The following DAAM1 variants were observed in gnomAD, a reference collection of about 807,000 sequenced individuals.
DAAM1 encodes the protein dishevelled associated activator of morphogenesis 1, also known as disheveled-associated activator of morphogenesis 1.
Under a neutral mutation model 130.0 loss-of-function variants are expected in DAAM1, and 52 were observed. That is an observed-to-expected ratio of 0.40 (90% CI 0.32 to 0.50). The LOEUF (loss-of-function observed/expected upper bound fraction) is 0.50. Among genes scored for constraint, DAAM1 ranks in the 20% least tolerant of loss-of-function variants. The probability of loss-of-function intolerance (pLI) is 0.61; values close to 1 mark genes in which losing one functional copy is unlikely to be tolerated. For missense variants in DAAM1, 1,134 were observed against 1,303.8 expected, an observed-to-expected ratio of 0.87 and a Z score of 2.01; for synonymous variants, 452 against 444.5, an observed-to-expected ratio of 1.02 and a Z score of -0.21.
intron 1 of DAAM1, among the ~76,000 whole-genome samples, chr14:59,208,399 A>C (rs1016005488): frequency 1.3e-5 from 2 of 152,184 alleles, no homozygotes; most frequent in Admixed American, 1.3e-4. Flanking sequence ...GAAACGAATG[A>C]GTCATAACTT....
At chr14:59,352,755 T>A in intron 18 of DAAM1, 123 bp downstream of exon 18, 1 of 823,464 alleles carries the variant, frequency 1.2e-6, no homozygotes, top group Non-Finnish European at 1.9e-6. Context: ...TTTTTCATTC[T>A]AAAAATCTTC....
chr14:59,341,708 A>G (rs1885856299), intron 16 of DAAM1, among the ~76,000 whole-genome samples: 1 of 152,230 alleles, frequency 6.6e-6, no homozygotes, highest in African/African-American at 2.4e-5. Flanking sequence ...ACTGCTGTAC[A>G]GTGTAAACAA....
chr14:59,258,136 C>T (rs1881994193), intron 1 of DAAM1, among the ~76,000 whole-genome samples: 2 of 152,202 alleles, frequency 1.3e-5, no homozygotes, highest in Admixed American at 6.5e-5. Flanking sequence ...TCCCTTAGTG[C>T]CCAGCACAGT....
Position 59,363,846 on chromosome 14 carries a change from A to G in DAAM1, c.2826+64A>G, listed in dbSNP as rs564955971. 1.7e-5 allele frequency: 27 copies of G among 1,599,884 alleles called. No homozygotes were observed. In the African/African-American group the frequency reaches 3.6e-4, roughly 21 times the overall value. The stretch of plus-strand genomic sequence containing the variant: ...GGCTGGGCTTCAGTGTGATACTTTC[A>G]GTTATTATTCTGTACGGGAAATAGC... On this transcript the variant is annotated intron_variant, in intron 23 of 24. Transcript: ENST00000360909.
At chr14:59,247,457 A>G (rs905959104) in intron 1 of DAAM1, among the ~76,000 whole-genome samples, 2 of 152,210 alleles carry the variant, frequency 1.3e-5, no homozygotes, top group South Asian at 4.1e-4. Flanking sequence ...ATTGCTTTCA[A>G]TCTGTAGATT....
At chr14:59,366,996 C>G (rs1295048115) in intron 23 of DAAM1, among the ~76,000 whole-genome samples, 1 of 145,342 alleles carries the variant, frequency 6.9e-6, no homozygotes, top group Non-Finnish European at 1.5e-5. Flanking sequence ...AACAAAACAA[C>G]AAAAAAAAAC....
chr14:59,288,952 T>G (rs1345877657), intron 2 of DAAM1, among the ~76,000 whole-genome samples: 1 of 152,144 alleles, frequency 6.6e-6, no homozygotes, highest in Non-Finnish European at 1.5e-5. Context: ...AGCCTTGGTC[T>G]GTCACCCAGG....
chr14:59,275,655 C>T lies in DAAM1; in HGVS notation c.183+11995C>T, dbSNP rs149080941. ...ACGGTAAAAAAGCTGAATAAAAAGC[C>T]TATGTGTTTAGCTGCAGACTTTGTC... On this transcript the variant is annotated intron_variant, in intron 2 of 24. Coordinates refer to ENST00000360909, the MANE Select transcript of DAAM1 (RefSeq NM_001270520.2). Among the ~76,000 whole-genome samples the T allele has an allele frequency of 2.0e-4, 31 of 152,232 alleles. No individual in the cohort carries two copies. In the East Asian group the frequency reaches 6.0e-3, roughly 29 times the overall value.
At chr14:59,338,358 T>G in intron 15 of DAAM1, 1 of 1,612,596 alleles carries the variant, frequency 6.2e-7, no homozygotes, top group Non-Finnish European at 8.5e-7. Flanking sequence ...CTGATTTGCC[T>G]TTTCCATGCC....
intron 1 of DAAM1, among the ~76,000 whole-genome samples, chr14:59,231,213 T>A (rs1889095795): frequency 6.6e-6 from 1 of 152,228 alleles, no homozygotes; most frequent in African/African-American, 2.4e-5. Flanking sequence ...ATTGCATATA[T>A]TTATGGGGTT....
At chr14:59,206,511 G>A (rs1566648786) in intron 1 of DAAM1, among the ~76,000 whole-genome samples, 1 of 152,254 alleles carries the variant, frequency 6.6e-6, no homozygotes, top group South Asian at 2.1e-4. Flanking sequence ...TCCTAACCTC[G>A]TAATCTGCCT....
rs1210870943 is a variant in DAAM1, at chr14:59,352,631, C to G, written c.2266C>G (p.Arg756Gly). ...KADRFLFEMS[R>G]INHYQQRLQS... ...TGATAGGTTCCTTTTTGAGATGAGC[C>G]GGTGAGTTTGAAAATGCTGGGAATG... is the stretch of plus-strand genomic sequence containing the variant. The change falls in exon 18 of 25, where the codon CGA becomes GGA. Residue 756 changes from arginine to glycine, a missense_variant and splice_region_variant. This residue lies in a region of DAAM1 where 644 missense variants were observed against 695.9 expected (regional missense o/e 0.93). Transcript: ENST00000360909. 6.2e-7 allele frequency: 1 copy of G among 1,610,722 alleles called. No homozygotes were observed. Among genetic ancestry groups the G allele is most frequent in the Non-Finnish European group, 8.5e-7 (1 of 1,178,534 alleles).
intron 1 of DAAM1, among the ~76,000 whole-genome samples, chr14:59,234,914 T>C (rs1889243558): frequency 2.0e-5 from 3 of 152,202 alleles, no homozygotes; most frequent in Admixed American, 1.3e-4. Flanking sequence ...GTGGTTTTTT[T>C]CCTTGGTTCT....
chr14:59,219,134 G>A (rs1343524045), intron 1 of DAAM1, among the ~76,000 whole-genome samples: 1 of 152,072 alleles, frequency 6.6e-6, no homozygotes, highest in African/African-American at 2.4e-5. Context: ...TCTAATGTTG[G>A]CATTTGGTGG....
intron 11 of DAAM1, 37 bp downstream of exon 11, chr14:59,326,685 G>A (rs777230458): frequency 8.7e-6 from 14 of 1,603,334 alleles, no homozygotes; most frequent in Non-Finnish European, 1.2e-5. Context: ...TGAGATAATG[G>A]TGACAATGTA....
chr14:59,347,924 A>T (rs1886145148), intron 17 of DAAM1, among the ~76,000 whole-genome samples: 1 of 152,234 alleles, frequency 6.6e-6, no homozygotes, highest in Non-Finnish European at 1.5e-5. Flanking sequence ...TCTAGAAGAA[A>T]ATCTGTGTTT....
intron 3 of DAAM1, among the ~76,000 whole-genome samples, chr14:59,304,944 A>G (rs1884316930): frequency 6.6e-6 from 1 of 152,224 alleles, no homozygotes; most frequent in African/African-American, 2.4e-5. Context: ...TGTGTTAAAC[A>G]TTATATTGCA....
chr14:59,284,020 C>T lies in DAAM1; in HGVS notation c.184-7197C>T, dbSNP rs183969533. 2.0e-3 allele frequency among the ~76,000 whole-genome samples: 311 copies of T among 152,268 alleles called. 1 individual carries two copies. Among genetic ancestry groups the T allele is most frequent in the African/African-American group, 7.0e-3 (291 of 41,570 alleles). On this transcript the variant is annotated intron_variant, in intron 2 of 24. Coordinates refer to ENST00000360909, the MANE Select transcript of DAAM1 (RefSeq NM_001270520.2). Reference sequence around the variant, plus strand: ...AACACCTGGGAACTTACTGAAAATGCAGTGTCGTGTACCTTTTCCTCCCTG... The same window carrying T: ...AACACCTGGGAACTTACTGAAAATGTAGTGTCGTGTACCTTTTCCTCCCTG...
At chr14:59,200,667 A>G (rs1014884179) in intron 1 of DAAM1, among the ~76,000 whole-genome samples, 3 of 152,260 alleles carry the variant, frequency 2.0e-5, no homozygotes, top group African/African-American at 7.2e-5. Flanking sequence ...ATATTTTCAT[A>G]TAAAATGTAA....
Sources: allele counts gnomAD v4.1 joint callset (sites outside exome capture counted in the v4.1 genomes callset), GRCh38; gene constraint gnomAD v4.1.1; regional missense constraint gnomAD v4.1.1; transcripts MANE v1.5; gene names NCBI Gene and HGNC (gene_info 2026-07-23, HGNC 2026-07-21).